ME3: variants seen among roughly 807,000 people sequenced by gnomAD.
The protein encoded by ME3 is NADP-dependent malic enzyme, mitochondrial.
In ME3, 48 loss-of-function variants were observed where a neutral mutation model predicts 68.9. The observed-to-expected ratio is 0.70, with a 90% CI of 0.55 to 0.89. The LOEUF is 0.89. ME3 is among the 40% of genes least tolerant of loss of function. The probability of loss-of-function intolerance (pLI) is 0.00; values close to 1 mark genes in which losing one functional copy is unlikely to be tolerated. For synonymous variants in ME3, 320 were observed against 318.8 expected (o/e 1.00, Z -0.04); for missense variants, 675 against 797.4 (o/e 0.85, Z 1.85).
intron 2 of ME3, among the ~76,000 whole-genome samples, chr11:86,652,095 G>A (rs1168703057): frequency 6.6e-6 from 1 of 152,196 alleles, no homozygotes; most frequent in Non-Finnish European, 1.5e-5. Context: ...GGGACTCTGT[G>A]AAAAGACCAA....
chr11:86,450,201 C>T, intron 9 of ME3, 100 bp downstream of exon 9: 1 of 1,189,434 alleles, frequency 8.4e-7, no homozygotes, highest in East Asian at 2.5e-5. Context: ...TGTGCTGCTT[C>T]CTCTTTTCAG....
At chr11:86,621,559 C>G (rs1943352205) in intron 2 of ME3, among the ~76,000 whole-genome samples, 1 of 151,978 alleles carries the variant, frequency 6.6e-6, no homozygotes, top group South Asian at 2.1e-4. Context: ...TCTTTTCTTT[C>G]TCTCCTTCCA....
At chr11:86,497,322 A>ATGC (rs1952412092) in intron 6 of ME3, among the ~76,000 whole-genome samples, 1 of 152,130 alleles carries the variant, frequency 6.6e-6, no homozygotes, top group South Asian at 2.1e-4. Flanking sequence ...AAATGTAATT[A>ATGC]AGAGGGAATC....
At position 86,670,625 on chromosome 11, in the gene ME3, C is replaced by T. The variant is rs560275401; in HGVS notation, c.183+1137G>A. ...AGAGGTTGATTTTGATTTTTTTTTC[C>T]TTAGCCGCTTCTATTAGTTCTGTAG... On this transcript the variant is annotated intron_variant, in intron 2 of 14. Transcript: ENST00000543262. Among the ~76,000 whole-genome samples, 9 of 152,046 alleles carry T rather than the reference C, an allele frequency of 5.9e-5. No individual in the cohort carries two copies. The East Asian group carries it at 1.7e-3, about 29-fold the overall frequency.
chr11:86,578,280 G>A (rs1958231141), intron 2 of ME3, among the ~76,000 whole-genome samples: 1 of 152,162 alleles, frequency 6.6e-6, no homozygotes, highest in African/African-American at 2.4e-5. Context: ...AGTAATAGCA[G>A]AGGAAGGTTA....
At chr11:86,649,220 GATTATCTCA>G (rs1163885676) in intron 2 of ME3, among the ~76,000 whole-genome samples, 1 of 152,126 alleles carries the variant, frequency 6.6e-6, no homozygotes, top group African/African-American at 2.4e-5. Flanking sequence ...AAAACCACAT[GATTATCTCA>G]ATAGATGCAG....
chr11:86,660,455 A>G (rs568763249), intron 2 of ME3, among the ~76,000 whole-genome samples: 2 of 152,354 alleles, frequency 1.3e-5, no homozygotes, highest in African/African-American at 4.8e-5. Context: ...TCATTATAGC[A>G]ACTTGTCAAG....
intron 4 of ME3, among the ~76,000 whole-genome samples, chr11:86,522,247 CTCAA>C (rs1031276205): frequency 2.7e-5 from 2 of 72,794 alleles, no homozygotes; most frequent in African/African-American, 1.1e-4. Context: ...AAGACTCTGT[CTCAA>C]ACAAACAAAC....
chr11:86,448,607 A>G (rs1271987709), intron 10 of ME3, among the ~76,000 whole-genome samples: 3 of 152,192 alleles, frequency 2.0e-5, no homozygotes, highest in Admixed American at 2.0e-4. Flanking sequence ...CAAGGCATCC[A>G]GCACCAAGCT....
At chr11:86,452,718 A>G (rs1949698879) in intron 8 of ME3, among the ~76,000 whole-genome samples, 1 of 152,176 alleles carries the variant, frequency 6.6e-6, no homozygotes, top group African/African-American at 2.4e-5. Flanking sequence ...CACATGGGCT[A>G]ATTTCTTCTC....
chr11:86,504,407 T>TTTTTTTTTTTA (rs1491166256), intron 5 of ME3, among the ~76,000 whole-genome samples: 1 of 125,524 alleles, frequency 8.0e-6, no homozygotes, highest in African/African-American at 3.2e-5. Flanking sequence ...TTTTTTTTTT[T>TTTTTTTTTTTA]GAGACAGAGT....
intron 2 of ME3, among the ~76,000 whole-genome samples, chr11:86,659,918 T>TA (rs1946169300): frequency 6.6e-6 from 1 of 151,980 alleles, no homozygotes; most frequent in South Asian, 2.1e-4. Flanking sequence ...ATTTTTTTTT[T>TA]AAGTTAGTTT....
chr11:86,657,293 AAAG>A (rs1275312299), intron 2 of ME3, among the ~76,000 whole-genome samples: 2 of 152,316 alleles, frequency 1.3e-5, no homozygotes, highest in East Asian at 3.9e-4. Flanking sequence ...CAGCCATAAA[AAAG>A]AATGAGATTG....
downstream of ME3, among the ~76,000 whole-genome samples, chr11:86,439,451 T>C (rs113636713): frequency 6.8e-4 from 104 of 152,394 alleles, no homozygotes; most frequent in African/African-American, 2.3e-3. Flanking sequence ...TTATTAATTC[T>C]GTTACTCTAT....
chr11:86,529,145 A>G (rs1222819700), intron 4 of ME3, among the ~76,000 whole-genome samples: 1 of 152,212 alleles, frequency 6.6e-6, no homozygotes, highest in Non-Finnish European at 1.5e-5. Context: ...GAAGAATCAA[A>G]TAGACGCAAT....
In ME3 at chr11:86,450,022, A is replaced by G; in HGVS notation, c.1018-20T>C. ...AGCTGCCTGGAAGGTACCATAGGGT[A>G]GATGTTCAGACACAGGGCAAACAGC... On this transcript the variant is annotated intron_variant, in intron 9 of 14. Transcript: ENST00000543262. The G allele has an allele frequency of 6.4e-7, 1 of 1,560,238 alleles. No homozygotes were observed. Among genetic ancestry groups the G allele is most frequent in the Non-Finnish European group, 8.8e-7 (1 of 1,137,216 alleles).
At chr11:86,487,572 T>G in intron 6 of ME3, 132 bp from the exon 7 acceptor site, 2 of 672,032 alleles carry the variant, frequency 3.0e-6, no homozygotes, top group African/African-American at 1.8e-5. Flanking sequence ...GGTAACTGGA[T>G]CCCCCCCGCC....
intron 11 of ME3, among the ~76,000 whole-genome samples, chr11:86,447,465 G>A (rs952141827): frequency 2.0e-5 from 3 of 152,130 alleles, no homozygotes; most frequent in Admixed American, 1.3e-4. Context: ...GGCATTCCTG[G>A]GCATTTCCAT....
At chr11:86,578,446 TAGGCACTGTACATGCATTCCTG>T (rs1257331317) in intron 2 of ME3, among the ~76,000 whole-genome samples, 1 of 152,042 alleles carries the variant, frequency 6.6e-6, no homozygotes, top group East Asian at 1.9e-4. Context: ...GGTCTCAGAA[TAGGCACTGTACATGCATTCCTG>T]GTGCGTGCGA....
Sources: allele counts gnomAD v4.1 joint callset (sites outside exome capture counted in the v4.1 genomes callset), GRCh38; gene constraint gnomAD v4.1.1; transcripts MANE v1.5; gene names NCBI Gene and HGNC (gene_info 2026-07-23, HGNC 2026-07-21).